The following LMAN1L variants were observed in gnomAD, a reference collection of about 807,000 sequenced individuals.
LMAN1L encodes the protein lectin, mannose binding 1 like.
LMAN1L carries 60 observed loss-of-function variants against 58.3 expected under a neutral mutation model. That is an observed-to-expected ratio of 1.03 (90% CI 0.84 to 1.27). The LOEUF (loss-of-function observed/expected upper bound fraction) is 1.27. LMAN1L is among the 50% of genes most tolerant of loss of function. The pLI is 0.00. For synonymous variants in LMAN1L, 280 were observed against 271.6 expected, an observed-to-expected ratio of 1.03 and a Z score of -0.31; for missense variants, 629 against 674.0, an observed-to-expected ratio of 0.93 and a Z score of 0.74.
At chr15:74,818,652 CCA>C in intron 4 of LMAN1L, 64 bp from the exon 5 acceptor site, 1 of 1,217,092 alleles carries the variant, frequency 8.2e-7, no homozygotes, top group South Asian at 1.3e-5. Context: ...CACAACTGCA[CCA>C]CTGCACTCCA....
intron 4 of LMAN1L, among the ~76,000 whole-genome samples, chr15:74,817,693 A>G (rs1482939772): frequency 2.0e-5 from 3 of 152,150 alleles, no homozygotes; most frequent in Admixed American, 6.6e-5. Flanking sequence ...AGCCAGAGGC[A>G]CAGAGGACTT....
rs1352186037 is a variant in LMAN1L at position 74,820,781 on chromosome 15, G to C, written c.907+14G>C. ...CTCAAGGAGAAGGTAGGGACCGAGA[G>C]AGCGGGCAGGTGGCGCCCATCTGAG... On this transcript the variant is annotated intron_variant, in intron 8 of 13. Transcript: ENST00000309664. 3.1e-6 allele frequency: 5 copies of C among 1,604,944 alleles called. No individual in the cohort carries two copies. The highest frequency in any genetic ancestry group is 4.3e-6 in the Non-Finnish European group (5 of 1,175,090).
chr15:74,815,536 C>T (rs925815243), intron 1 of LMAN1L, among the ~76,000 whole-genome samples: 4 of 152,208 alleles, frequency 2.6e-5, no homozygotes, highest in Non-Finnish European at 4.4e-5. Flanking sequence ...ATTCTTTCAT[C>T]GCAGTCCTGT....
intron 1 of LMAN1L, among the ~76,000 whole-genome samples, chr15:74,814,373 T>C (rs1423122903): frequency 2.3e-5 from 1 of 43,490 alleles, no homozygotes; most frequent in African/African-American, 4.6e-5. Context: ...TTTGTTTTTG[T>C]TTTTGTTTTT....
chr15:74,817,299 A>G (rs2063896140), intron 4 of LMAN1L, among the ~76,000 whole-genome samples: 1 of 152,086 alleles, frequency 6.6e-6, no homozygotes, highest in Non-Finnish European at 1.5e-5. Flanking sequence ...GTTAACCCTC[A>G]TAACATTGTT....
intron 4 of LMAN1L, among the ~76,000 whole-genome samples, chr15:74,817,164 C>G (rs1340508319): frequency 6.6e-6 from 1 of 152,136 alleles, no homozygotes; most frequent in Non-Finnish European, 1.5e-5. Context: ...GTAGCTGGGC[C>G]GGTTTGTCAG....
At chr15:74,813,150 G>A (rs2063873431) in intron 1 of LMAN1L, 121 bp downstream of exon 1, 2 of 1,140,738 alleles carry the variant, frequency 1.8e-6, no homozygotes, top group Non-Finnish European at 2.5e-6. Flanking sequence ...GCAAGGCCTG[G>A]GACAGTGCCA....
chr15:74,823,311 A>G (rs958324102), intron 11 of LMAN1L, among the ~76,000 whole-genome samples: 5 of 152,134 alleles, frequency 3.3e-5, no homozygotes, highest in Admixed American at 3.3e-4. Context: ...GGGGCTGGGA[A>G]TGGAAGGCAG....
chr15:74,824,010 A>T (rs1272310821), intron 12 of LMAN1L: 1 of 492,210 alleles, frequency 2.0e-6, no homozygotes, highest in Admixed American at 3.5e-5. Context: ...GTCCAGTGGT[A>T]GTCAGCGCTT....
At chr15:74,818,030 G>A (rs186504224) in intron 4 of LMAN1L, among the ~76,000 whole-genome samples, 1 of 108,544 alleles carries the variant, frequency 9.2e-6, no homozygotes, top group African/African-American at 3.1e-5. Context: ...AAAAAAAAAA[G>A]AGAGAGAGAA....
At position 74,816,260 on chromosome 15, in the gene LMAN1L, A is replaced by G. The variant is rs146004212; in HGVS notation, c.279A>G (p.Val93=). The G allele has an allele frequency of 5.6e-6, 9 of 1,609,952 alleles. No homozygotes were observed. The highest frequency in any genetic ancestry group is 7.6e-6 in the Non-Finnish European group (9 of 1,178,460). ...RASVPFSAWE[V]EVQMRVTGLG... Reference sequence around the variant, plus strand: ...CTGTCCCCTTCTCTGCCTGGGAAGTAGAGGTGCAGATGAGGGTGACGGGAC... The same window carrying G: ...CTGTCCCCTTCTCTGCCTGGGAAGTGGAGGTGCAGATGAGGGTGACGGGAC... Residue 93 remains valine, a synonymous_variant, in exon 2 of 14, where the codon GTA becomes GTG. Transcript: ENST00000309664.
chr15:74,813,239 C>T, intron 1 of LMAN1L: 2 of 660,388 alleles, frequency 3.0e-6, no homozygotes, highest in East Asian at 5.7e-5. Context: ...GCTGTTTCTC[C>T]TCTGCCTCTC....
chr15:74,814,792 A>G (rs1291360874), intron 1 of LMAN1L, among the ~76,000 whole-genome samples: 1 of 152,194 alleles, frequency 6.6e-6, no homozygotes, highest in Non-Finnish European at 1.5e-5. Context: ...TATAGGCATG[A>G]GCCACCGCGC....
Position 74,813,644 on chromosome 15 carries a change from C to T in LMAN1L, c.175+615C>T, listed in dbSNP as rs187069701. 9.1e-4 allele frequency among the ~76,000 whole-genome samples: 138 copies of T among 152,330 alleles called. 1 individual carries two copies. Among genetic ancestry groups the T allele is most frequent in the Non-Finnish European group, 2.9e-4 (20 of 68,032 alleles). On this transcript the variant is annotated intron_variant, in intron 1 of 13. Transcript: ENST00000309664. ...AAAAGGGTTTGTGATGATGGAACTA[C>T]ACGATAGAGGGAGTGAGCAAGAACA...
At chr15:74,821,625 C>T (rs2063917155) in intron 9 of LMAN1L, among the ~76,000 whole-genome samples, 1 of 152,220 alleles carries the variant, frequency 6.6e-6, no homozygotes, top group Non-Finnish European at 1.5e-5. Context: ...TCGGGTCATG[C>T]CCAGCCTGGG....
At chr15:74,813,076 T>G (rs200860815) in intron 1 of LMAN1L, 47 bp downstream of exon 1, 6 of 1,563,452 alleles carry the variant, frequency 3.8e-6, no homozygotes, top group Non-Finnish European at 4.4e-6. Context: ...TCCCTCAAAG[T>G]GCTGGAGGGG....
In LMAN1L at chr15:74,823,643, C is replaced by T. The variant is rs147136835; in HGVS notation, c.1284C>T (p.His428=). 3.5e-4 allele frequency: 565 copies of T among 1,613,896 alleles called. 2 individuals are homozygous for T. In the African/African-American group the frequency reaches 6.1e-3, roughly 18 times the overall value. The change falls in exon 12 of 14, where the codon CAC becomes CAT. Residue 428 remains histidine, a synonymous_variant. Transcript: ENST00000309664. ...GIEHHFLELD[H]ILGLLQEELR... is the part of the protein sequence containing the mutation. Reference sequence around the variant, plus strand: ...AGCATCATTTCTTAGAGCTGGACCACATCCTGGGCCTCCTGCAGGAGGAGC... The same window carrying T: ...AGCATCATTTCTTAGAGCTGGACCATATCCTGGGCCTCCTGCAGGAGGAGC...
intron 9 of LMAN1L, 114 bp downstream of exon 9, chr15:74,821,340 A>C (rs1446909681): frequency 7.9e-7 from 1 of 1,267,828 alleles, no homozygotes; most frequent in Admixed American, 2.5e-5. Context: ...GGCAGGGATG[A>C]AATGCTGCAG....
At chr15:74,820,506 G>A (rs2063911428) in intron 7 of LMAN1L, 129 bp from the exon 8 acceptor site, 1 of 1,215,640 alleles carries the variant, frequency 8.2e-7, no homozygotes, top group Non-Finnish European at 1.2e-6. Context: ...AGAACTCAGA[G>A]GGCTGGAAAC....
Sources: allele counts gnomAD v4.1 joint callset (sites outside exome capture counted in the v4.1 genomes callset), GRCh38; gene constraint gnomAD v4.1.1; transcripts MANE v1.5; gene names NCBI Gene and HGNC (gene_info 2026-07-23, HGNC 2026-07-21).